PHYHIPL: variants seen among roughly 807,000 people sequenced by gnomAD.
PHYHIPL encodes the protein phytanoyl-CoA hydroxylase-interacting protein-like.
PHYHIPL carries 9 observed loss-of-function variants against 33.4 expected under a neutral mutation model. The ratio of observed to expected loss-of-function variants is 0.27; its 90% confidence interval spans 0.16 to 0.47. PHYHIPL has a LOEUF of 0.47. Among genes scored for constraint, PHYHIPL ranks in the 20% least tolerant of loss-of-function variants. The pLI, the probability that PHYHIPL is intolerant of heterozygous loss-of-function variation, is 0.99. For missense variants in PHYHIPL, 365 were observed against 460.7 expected (o/e 0.79, Z 1.90); for synonymous variants, 153 against 154.1 (o/e 0.99, Z 0.05).
chr10:59,199,622 A>G (rs2133214351), intron 1 of PHYHIPL, among the ~76,000 whole-genome samples: 1 of 152,294 alleles, frequency 6.6e-6, no homozygotes, highest in Non-Finnish European at 1.5e-5. Context: ...TGGAAATGGC[A>G]TTGAATCTAT....
intron 4 of PHYHIPL, 115 bp downstream of exon 4, chr10:59,238,820 A>G (rs1840306785): frequency 1.7e-6 from 1 of 602,232 alleles, no homozygotes; most frequent in African/African-American, 1.9e-5. Flanking sequence ...TCTTTTCAAA[A>G]TAACGATATG....
At chr10:59,213,308 A>AT (rs1250001846) in intron 1 of PHYHIPL, among the ~76,000 whole-genome samples, 1 of 152,086 alleles carries the variant, frequency 6.6e-6, no homozygotes, top group Non-Finnish European at 1.5e-5. Flanking sequence ...ATAAACAAAA[A>AT]TTTCTTTGAT....
intron 1 of PHYHIPL, among the ~76,000 whole-genome samples, chr10:59,199,539 G>A (rs1049955483): frequency 1.3e-5 from 2 of 152,100 alleles, no homozygotes; most frequent in African/African-American, 2.4e-5. Flanking sequence ...GGCAATGAGG[G>A]CTCTTTTTTG....
At chr10:59,203,151 C>T (rs531387008) in intron 1 of PHYHIPL, among the ~76,000 whole-genome samples, 1 of 152,218 alleles carries the variant, frequency 6.6e-6, no homozygotes, top group South Asian at 2.1e-4. Context: ...ATGCAGCCAA[C>T]AGACACATGA....
chr10:59,209,474 A>G (rs908359009), intron 1 of PHYHIPL, among the ~76,000 whole-genome samples: 9 of 152,220 alleles, frequency 5.9e-5, no homozygotes, highest in Admixed American at 5.9e-4. Context: ...CTGCAAAAAC[A>G]TGCCAAATTG....
At chr10:59,217,204 G>T (rs1839641896) in intron 1 of PHYHIPL, among the ~76,000 whole-genome samples, 2 of 152,048 alleles carry the variant, frequency 1.3e-5, no homozygotes, top group African/African-American at 4.8e-5. Context: ...AAGGGAATTT[G>T]AAGTGGAGAA....
chr10:59,241,793 C>T (rs1197425439), intron 4 of PHYHIPL, among the ~76,000 whole-genome samples: 1 of 152,056 alleles, frequency 6.6e-6, no homozygotes, highest in Non-Finnish European at 1.5e-5. Flanking sequence ...ATTGTTTACT[C>T]TTCACTCAAG....
At position 59,238,594 on chromosome 10, in the gene PHYHIPL, CA is replaced by C. The variant is rs2133293971; in HGVS notation, c.489del (p.Val164PhefsTer3). 1 of 1,601,070 alleles carries C rather than the reference CA, an allele frequency of 6.2e-7. No individual in the cohort carries two copies. Among genetic ancestry groups the C allele is most frequent in the South Asian group, 1.1e-5 (1 of 90,470 alleles). ...CTTTTTGGGTTTTTTCCAGACTATT[CA>C]AAAGTTCATCTAACACAATTGTTGG... is the stretch of plus-strand genomic sequence containing the variant. ...EIIEFCTADY[S>X]KVHLTQLLEK... On this transcript the variant is annotated frameshift_variant, in exon 4 of 5. Coordinates refer to ENST00000373880, the MANE Select transcript of PHYHIPL (RefSeq NM_032439.4). LOFTEE classifies it high-confidence loss of function.
intron 1 of PHYHIPL, chr10:59,177,587 A>G (rs888409153): frequency 6.4e-7 from 1 of 1,551,522 alleles, no homozygotes; most frequent in African/African-American, 1.4e-5. Flanking sequence ...TATTGGCCTA[A>G]TATATGTGCT....
intron 1 of PHYHIPL, among the ~76,000 whole-genome samples, chr10:59,225,015 A>T (rs966169832): frequency 6.6e-6 from 1 of 151,710 alleles, no homozygotes; most frequent in Non-Finnish European, 1.5e-5. Flanking sequence ...ACCAAAAAGG[A>T]TGAAAAGTTT....
chr10:59,174,112 T>C (rs568129714), upstream of PHYHIPL, among the ~76,000 whole-genome samples: 37 of 151,916 alleles, frequency 2.4e-4, no homozygotes, highest in African/African-American at 8.4e-4. Flanking sequence ...TATCTGAGAA[T>C]TGGGAAAGTA....
chr10:59,195,385 G>A (rs1290079090), intron 1 of PHYHIPL, among the ~76,000 whole-genome samples: 1 of 152,146 alleles, frequency 6.6e-6, no homozygotes, highest in Non-Finnish European at 1.5e-5. Flanking sequence ...AAAGAAATGG[G>A]TAAAACCTAT....
chr10:59,219,858 T>C (rs1193991567), intron 1 of PHYHIPL, among the ~76,000 whole-genome samples: 1 of 152,142 alleles, frequency 6.6e-6, no homozygotes, highest in Admixed American at 6.6e-5. Context: ...AGTTTCTAGT[T>C]AACTACATGG....
chr10:59,226,525 AT>A (rs1189405076), intron 1 of PHYHIPL, among the ~76,000 whole-genome samples: 3 of 152,156 alleles, frequency 2.0e-5, no homozygotes, highest in African/African-American at 7.2e-5. Flanking sequence ...TGGTGGAATC[AT>A]TGCTAAGGAG....
At chr10:59,239,049 T>C (rs1039031015) in intron 4 of PHYHIPL, among the ~76,000 whole-genome samples, 8 of 151,990 alleles carry the variant, frequency 5.3e-5, no homozygotes, top group Non-Finnish European at 7.4e-5. Flanking sequence ...TTCATGGGTC[T>C]TTTTAAGACA....
At chr10:59,212,333 T>A (rs1247189779) in intron 1 of PHYHIPL, among the ~76,000 whole-genome samples, 8 of 152,200 alleles carry the variant, frequency 5.3e-5, no homozygotes, top group Non-Finnish European at 1.2e-4. Flanking sequence ...TTGTTTCTGT[T>A]AAATTAAGTT....
In PHYHIPL at chr10:59,234,428, G is replaced by C. The variant is rs1564458359; in HGVS notation, c.231G>C (p.Lys77Asn). The C allele has an allele frequency of 1.9e-6, 3 of 1,602,922 alleles. No homozygotes were observed. Among genetic ancestry groups the C allele is most frequent in the Non-Finnish European group, 2.6e-6 (3 of 1,175,994 alleles). ...KISWEMDSKS[K>N]DRITHYFIDL... ...CATGGGAAATGGATTCAAAATCAAAGGATCGCATTACACACTATTTTATTG... is the reference window on the plus strand; with the variant it reads ...CATGGGAAATGGATTCAAAATCAAACGATCGCATTACACACTATTTTATTG... The change falls in exon 2 of 5, where the codon AAG becomes AAC. Residue 77 changes from lysine to asparagine, a missense_variant. By Grantham distance (94) the Lys-to-Asn change is moderately conservative (BLOSUM62 0). Coordinates refer to ENST00000373880, the MANE Select transcript of PHYHIPL (RefSeq NM_032439.4).
intron 1 of PHYHIPL, among the ~76,000 whole-genome samples, chr10:59,207,320 A>C (rs955798562): frequency 6.6e-6 from 1 of 152,128 alleles, no homozygotes; most frequent in Non-Finnish European, 1.5e-5. Flanking sequence ...TGGGAAGCGC[A>C]AGGGGTCAGG....
intron 1 of PHYHIPL, among the ~76,000 whole-genome samples, chr10:59,180,688 G>A (rs987167147): frequency 6.6e-6 from 1 of 151,846 alleles, no homozygotes; most frequent in Non-Finnish European, 1.5e-5. Flanking sequence ...AGGAAAAAAA[G>A]ATTTTATCTC....
Sources: allele counts gnomAD v4.1 joint callset (sites outside exome capture counted in the v4.1 genomes callset), GRCh38; gene constraint gnomAD v4.1.1; transcripts MANE v1.5; gene names NCBI Gene and HGNC (gene_info 2026-07-23, HGNC 2026-07-21).